Variants in ANKFN1 observed in about 807,000 individuals in gnomAD.
ANKFN1 encodes the protein ankyrin repeat and fibronectin type-III domain-containing protein 1.
A neutral mutation model predicts 108.7 loss-of-function variants in ANKFN1; 74 were observed. The ratio of observed to expected loss-of-function variants is 0.68; its 90% CI spans 0.56 to 0.83. ANKFN1 has a LOEUF of 0.83. ANKFN1 is among the 40% of genes least tolerant of loss of function. ANKFN1 has a pLI of 0.00. For synonymous variants in ANKFN1, 547 were observed against 516.2 expected, an observed-to-expected ratio of 1.06 and a Z score of -0.81; for missense variants, 1,505 against 1,382.3, an observed-to-expected ratio of 1.09 and a Z score of -1.41.
rs558283909 is a variant in ANKFN1 at position 56,114,221 on chromosome 17, T to G, written c.288+67896T>G. Among the ~76,000 whole-genome samples, 4 of 152,362 alleles carry G rather than the reference T, an allele frequency of 2.6e-5. No individual in the cohort carries two copies. The South Asian group carries it at 8.3e-4, about 32-fold the overall frequency. On this transcript the variant is annotated intron_variant, in intron 4 of 12. Transcript: ENST00000635860. ...AAAGCACCTTTTTATTTCTTGTTTC[T>G]GATTTTGGATGACAGCTTTTAGAAA...
intron 4 of ANKFN1, among the ~76,000 whole-genome samples, chr17:56,087,510 T>G (rs1379916756): frequency 6.6e-6 from 1 of 150,632 alleles, no homozygotes; most frequent in Non-Finnish European, 1.5e-5. Flanking sequence ...GCCCTTCAAT[T>G]TAGCTCAACG....
intron 11 of ANKFN1, among the ~76,000 whole-genome samples, chr17:56,450,840 G>A (rs2145206729): frequency 6.6e-6 from 1 of 152,284 alleles, no homozygotes; most frequent in African/African-American, 2.4e-5. Flanking sequence ...GAGGATTCAT[G>A]CTCTCCCCAT....
intron 4 of ANKFN1, among the ~76,000 whole-genome samples, chr17:56,338,245 TGAACAATGA>T (rs1411662091): frequency 1.3e-5 from 2 of 152,114 alleles, no homozygotes; most frequent in African/African-American, 4.8e-5. Flanking sequence ...AGGTGGGAAT[TGAACAATGA>T]GAACACTTGG....
intron 4 of ANKFN1, among the ~76,000 whole-genome samples, chr17:56,147,350 AG>A (rs1220899631): frequency 6.6e-6 from 1 of 152,188 alleles, no homozygotes; most frequent in East Asian, 1.9e-4. Context: ...AATTTATTGT[AG>A]TAGTCCATTC....
chr17:56,305,961 G>C (rs949105994), intron 3 of ANKFN1, among the ~76,000 whole-genome samples: 1 of 152,058 alleles, frequency 6.6e-6, no homozygotes, highest in South Asian at 2.1e-4. Flanking sequence ...AACTCAGTTG[G>C]CTTATTAGTA....
chr17:56,127,851 G>A, intron 4 of ANKFN1, among the ~76,000 whole-genome samples: 1 of 152,228 alleles, frequency 6.6e-6, no homozygotes, highest in East Asian at 1.9e-4. Context: ...GGGCTAGGTA[G>A]TGAAGGTAAT....
At chr17:56,163,069 T>C (rs1339106309) in intron 1 of ANKFN1, among the ~76,000 whole-genome samples, 1 of 148,690 alleles carries the variant, frequency 6.7e-6, no homozygotes, top group Non-Finnish European at 1.5e-5. Flanking sequence ...AAAAAAAGAG[T>C]AATCACTTAG....
chr17:56,509,302 C>T (rs2051668951), intron 20 of ANKFN1, among the ~76,000 whole-genome samples: 1 of 152,224 alleles, frequency 6.6e-6, no homozygotes, highest in Non-Finnish European at 1.5e-5. Flanking sequence ...GGTTGATATG[C>T]AGACGTAATG....
intron 3 of ANKFN1, among the ~76,000 whole-genome samples, chr17:56,242,699 C>T (rs7502588): frequency 1.3e-5 from 2 of 151,884 alleles, no homozygotes; most frequent in South Asian, 4.1e-4. Flanking sequence ...GTCTTTAATT[C>T]ATGTTGAATA....
chr17:56,419,828 A>AT (rs1353459423), intron 8 of ANKFN1, among the ~76,000 whole-genome samples: 2 of 149,836 alleles, frequency 1.3e-5, no homozygotes, highest in East Asian at 3.9e-4. Context: ...AAAAAAAAAA[A>AT]GAAAGAAATA....
intron 8 of ANKFN1, among the ~76,000 whole-genome samples, chr17:56,385,986 A>T (rs1200142523): frequency 6.6e-6 from 1 of 152,170 alleles, no homozygotes; most frequent in African/African-American, 2.4e-5. Context: ...TACCCAAAGG[A>T]CTATAAATCA....
At chr17:56,288,053 G>T (rs1013813067) in intron 3 of ANKFN1, among the ~76,000 whole-genome samples, 9 of 147,904 alleles carry the variant, frequency 6.1e-5, no homozygotes, top group Admixed American at 1.3e-4. Context: ...GAAAGGCCCT[G>T]CATTTTTTTT....
At chr17:56,144,922 T>C (rs1567803089) in intron 4 of ANKFN1, among the ~76,000 whole-genome samples, 1 of 151,936 alleles carries the variant, frequency 6.6e-6, no homozygotes, top group Admixed American at 6.6e-5. Context: ...TTTTCCTCCT[T>C]CTCTTCTCTT....
chr17:56,334,977 T>C (rs1326030034), intron 4 of ANKFN1, among the ~76,000 whole-genome samples: 4 of 152,178 alleles, frequency 2.6e-5, no homozygotes, highest in African/African-American at 9.7e-5. Flanking sequence ...ATTTATTAAA[T>C]AGGGAATCGT....
intron 3 of ANKFN1, among the ~76,000 whole-genome samples, chr17:56,252,708 A>G (rs2043263553): frequency 6.9e-6 from 1 of 144,546 alleles, no homozygotes; most frequent in Non-Finnish European, 1.5e-5. Context: ...ATAATAAGAT[A>G]ATTGAAATAC....
intron 4 of ANKFN1, among the ~76,000 whole-genome samples, chr17:56,061,861 G>A (rs1357072667): frequency 1.3e-5 from 2 of 152,182 alleles, no homozygotes; most frequent in African/African-American, 2.4e-5. Flanking sequence ...GCTTTCTGAT[G>A]TGAGCATTTA....
Position 56,466,591 on chromosome 17 carries a change from AT to A in ANKFN1, c.1773+22del. 1 of 1,569,228 alleles carries A rather than the reference AT, an allele frequency of 6.4e-7. No homozygotes were observed. The highest frequency in any genetic ancestry group is 2.4e-5 in the East Asian group (1 of 42,474). ...ATCCAGGTATGTAGTTTTTTTCTTA[AT>A]TCCCGGGTATACTTAAGGTTCCAAA... On this transcript the variant is annotated intron_variant, in intron 15 of 20. Coordinates refer to ENST00000682825, the MANE Select transcript of ANKFN1 (RefSeq NM_001370326.1).
At chr17:56,393,558 A>G (rs909153469) in intron 8 of ANKFN1, among the ~76,000 whole-genome samples, 1 of 152,242 alleles carries the variant, frequency 6.6e-6, no homozygotes, top group Admixed American at 6.5e-5. Flanking sequence ...GTTGAGCTGA[A>G]CTAAACTCTT....
At chr17:56,128,158 T>A (rs16956679) in intron 4 of ANKFN1, among the ~76,000 whole-genome samples, 23,702 of 151,884 alleles carry the variant, frequency 0.16, 2,034 homozygotes, top group East Asian at 0.28. Flanking sequence ...AAAAGAGAGC[T>A]CTTGCTCAGA....
Sources: gnomAD v4.1 joint callset for allele counts (sites outside exome capture counted in the v4.1 genomes callset) on GRCh38, gnomAD v4.1.1 for gene constraint, MANE v1.5 for transcripts, NCBI Gene and HGNC (gene_info 2026-07-23, HGNC 2026-07-21) for gene names.